PPP1R9B: variants seen among roughly 807,000 people sequenced by gnomAD.
The protein encoded by PPP1R9B is neurabin-2.
PPP1R9B carries 17 observed loss-of-function variants against 75.8 expected under a neutral mutation model. The ratio of observed to expected loss-of-function variants is 0.22; its 90% CI spans 0.15 to 0.34. PPP1R9B has a LOEUF of 0.34. PPP1R9B is among the 10% of genes least tolerant of loss of function. The pLI is 1.00. For synonymous variants in PPP1R9B, 509 were observed against 535.4 expected (o/e 0.95, Z 0.68); for missense variants, 875 against 1,196.0 (o/e 0.73, Z 3.96).
chr17:50,150,406 G>A lies in PPP1R9B; in HGVS notation c.108C>T (p.Pro36=), dbSNP rs1912665274. ...CCCCCTTGGGTGCCTCGTCGGGCCC[G>A]GGCGCGTCGGGCGGCTTCAGCGCCT... ...GIQALKPPDA[P]GPDEAPKGAH... is the part of the protein sequence containing the mutation. The change falls in exon 1 of 10, where the codon CCC becomes CCT. Residue 36 remains proline, a synonymous_variant. Transcript: ENST00000612501. This position sits in a 1 kb window ranked among gnomAD's most constrained non-coding sequence, Gnocchi z 8.7. The A allele has an allele frequency of 2.1e-6, 3 of 1,396,122 alleles. No homozygotes were observed. Among genetic ancestry groups the A allele is most frequent in the Non-Finnish European group, 2.8e-6 (3 of 1,072,502 alleles). The allele number at this position is 1,396,122 out of a possible 1,614,324, so 86.5% of individuals were successfully genotyped here. A position where few individuals can be genotyped will look rare whatever the true frequency, so the allele number is the denominator to read the frequency against.
rs1056313328 is a variant in PPP1R9B at position 50,143,804 on chromosome 17, C to A, written c.1505-86G>T. Reference sequence around the variant, plus strand: ...CCCCGAATTCCAGGGCACAGCCCCCCCATCAGGAAGCAGTCCCCATTAGGG... The same window carrying A: ...CCCCGAATTCCAGGGCACAGCCCCCACATCAGGAAGCAGTCCCCATTAGGG... On this transcript the variant is annotated intron_variant, in intron 2 of 9. Transcript: ENST00000612501. 20 of 1,571,280 alleles carry A rather than the reference C, an allele frequency of 1.3e-5. No homozygotes were observed. The African/African-American group carries it at 1.8e-4, about 14-fold the overall frequency.
At position 50,150,627 on chromosome 17, in the gene PPP1R9B, T is replaced by G; in HGVS notation, c.-114A>C. ...CCCGATAAAAGAAACCCCGAAGGCC[T>G]TTTTTAGGGTCCCCCCAAAACCAAG... is the stretch of plus-strand genomic sequence containing the variant. On this transcript the variant is annotated 5_prime_UTR_variant, in exon 1 of 10. Transcript: ENST00000612501. The surrounding 1 kb of genome is among the most constrained non-coding windows in gnomAD (Gnocchi z 8.7). The G allele has an allele frequency of 9.9e-7, 1 of 1,015,090 alleles. No homozygotes were observed. Among genetic ancestry groups the G allele is most frequent in the Admixed American group, 5.7e-5 (1 of 17,408 alleles). 62.9% of individuals were successfully genotyped at this position (1,015,090 alleles called of 1,614,324 possible).
Position 50,135,602 on chromosome 17 carries a change from T to G in PPP1R9B, c.2351A>C (p.Glu784Ala), listed in dbSNP as rs1912206628. ...KKETAQRRVL[E>A]ESELARKEEM... ...CTCCTTTCTGGCCAGCTCCGACTCC[T>G]CCAGAACCCGACGCTGTGCAGTCTC... The change falls in exon 9 of 10, where the codon GAG (glutamate) becomes GCG (alanine). Residue 784 changes from glutamate (E) to alanine (A), a missense_variant. Glu to Ala is a moderately radical substitution (Grantham distance 107, BLOSUM62 -1). Around this residue, in one of 4 missense-constraint regions of PPP1R9B, gnomAD observed 218 missense variants for 334.6 expected, o/e 0.65. Coordinates refer to ENST00000612501, the MANE Select transcript of PPP1R9B (RefSeq NM_032595.5). 6.2e-7 allele frequency: 1 copy of G among 1,611,482 alleles called. No homozygotes were observed. The highest frequency in any genetic ancestry group is 1.3e-5 in the African/African-American group (1 of 74,862).
chr17:50,150,092 G>T lies in PPP1R9B; in HGVS notation c.422C>A (p.Pro141Gln), dbSNP rs1423988051. The change falls in exon 1 of 10, where the codon CCG (proline) becomes CAG (glutamine). Residue 141 changes from proline (P) to glutamine (Q), a missense_variant. This residue lies in a region of PPP1R9B where 449 missense variants were observed against 475.0 expected (regional missense o/e 0.95). Coordinates refer to ENST00000612501, the MANE Select transcript of PPP1R9B (RefSeq NM_032595.5). The surrounding 1 kb of genome is among the most constrained non-coding windows in gnomAD (Gnocchi z 8.7). ...CTTCCGCGTCTCCTGCAGCCGGGAC[G>T]GCGGGTGCGGCGGCGGCGCAGGCTG... is the stretch of plus-strand genomic sequence containing the variant. The part of the protein sequence containing the change: ...SAQPAPPPHP[P>Q]SRLQETRKLF... 7.1e-7 allele frequency: 1 copy of T among 1,399,582 alleles called. No individual in the cohort carries two copies. The highest frequency in any genetic ancestry group is 9.2e-7 in the Non-Finnish European group (1 of 1,082,402). 86.7% of individuals were successfully genotyped at this position (1,399,582 alleles called of 1,614,324 possible).
chr17:50,143,511 C>T (rs1385359958), intron 3 of PPP1R9B, 87 bp downstream of exon 3: 11 of 1,525,680 alleles, frequency 7.2e-6, no homozygotes, highest in Non-Finnish European at 9.8e-6. Context: ...GAAGGCCCGC[C>T]CCACCCCCTG....
At chr17:50,143,820 C>A in intron 2 of PPP1R9B, 102 bp from the exon 3 acceptor site, 1 of 1,496,608 alleles carries the variant, frequency 6.7e-7, no homozygotes, top group Non-Finnish European at 9.2e-7. Context: ...GGAAGCAGTC[C>A]CCATTAGGGG....
At chr17:50,147,913 G>T (rs1474169829) in intron 1 of PPP1R9B, among the ~76,000 whole-genome samples, 1 of 152,180 alleles carries the variant, frequency 6.6e-6, no homozygotes, top group Non-Finnish European at 1.5e-5. Flanking sequence ...TCAGAGTCCA[G>T]GAGTAGTTAT....
chr17:50,143,804 C>G, intron 2 of PPP1R9B, 86 bp from the exon 3 acceptor site: 4 of 1,571,398 alleles, frequency 2.5e-6, no homozygotes, highest in Admixed American at 3.4e-5. Context: ...CACAGCCCCC[C>G]CATCAGGAAG....
rs1022662869 is a variant in PPP1R9B at position 50,134,243 on chromosome 17, C to G, written c.*1088G>C. The G allele has an allele frequency of 1.3e-5, 2 of 152,746 alleles. No homozygotes were observed. Among genetic ancestry groups the G allele is most frequent in the Admixed American group, 1.3e-4 (2 of 15,304 alleles). 9.5% of individuals were successfully genotyped at this position (152,746 alleles called of 1,614,324 possible). ...AACAGAGTCGATTTCACTTAGAAGG[C>G]AGGCTGCCAGCAGGGCAGCCCTGGT... On this transcript the variant is annotated 3_prime_UTR_variant, in exon 10 of 10. Transcript: ENST00000612501.
At chr17:50,145,450 A>G (rs893629419) in intron 1 of PPP1R9B, among the ~76,000 whole-genome samples, 6 of 152,204 alleles carry the variant, frequency 3.9e-5, no homozygotes, top group Non-Finnish European at 7.3e-5. Context: ...CAAGACAGAA[A>G]GGGACCCAGC....
chr17:50,139,656 A>G lies in PPP1R9B; in HGVS notation c.1867-75T>C. The G allele has an allele frequency of 1.4e-6, 2 of 1,478,750 alleles. No homozygotes were observed. Among genetic ancestry groups the G allele is most frequent in the Non-Finnish European group, 1.8e-6 (2 of 1,106,844 alleles). The allele number at this position is 1,478,750 out of a possible 1,614,324, so 91.6% of individuals were successfully genotyped here. On this transcript the variant is annotated intron_variant, in intron 5 of 9. Transcript: ENST00000612501. This position sits in a 1 kb window ranked among gnomAD's most constrained non-coding sequence, Gnocchi z 5.0. ...AGCCCTGATGACCAGGGCTGGGACC[A>G]GTTGCCCATGCCAGACAGAGAGCTA...
chr17:50,147,769 G>A (rs1001966458), intron 1 of PPP1R9B, among the ~76,000 whole-genome samples: 67 of 152,194 alleles, frequency 4.4e-4, no homozygotes, highest in African/African-American at 1.4e-3. Context: ...AGAGGACCCC[G>A]CAGGTCCCAG....
intron 7 of PPP1R9B, 116 bp from the exon 8 acceptor site, chr17:50,136,313 T>G: frequency 1.3e-6 from 1 of 795,104 alleles, no homozygotes; most frequent in Non-Finnish European, 2.0e-6. Context: ...TGGAGTCCAT[T>G]GCACCCCAAC....
intron 4 of PPP1R9B, 70 bp downstream of exon 4, chr17:50,141,199 G>C (rs1912365982): frequency 9.9e-7 from 1 of 1,013,286 alleles, no homozygotes; most frequent in Non-Finnish European, 1.5e-6. Context: ...TGGCTGTTAA[G>C]GCAGGTGAAC....
At chr17:50,136,654 C>T (rs1460105248) in intron 7 of PPP1R9B, among the ~76,000 whole-genome samples, 1 of 152,216 alleles carries the variant, frequency 6.6e-6, no homozygotes, top group Non-Finnish European at 1.5e-5. Context: ...AGTCTCTGCA[C>T]TTGTGGCTTC....
At chr17:50,147,941 A>G (rs1912557740) in intron 1 of PPP1R9B, among the ~76,000 whole-genome samples, 1 of 152,206 alleles carries the variant, frequency 6.6e-6, no homozygotes, top group South Asian at 2.1e-4. Flanking sequence ...ACAAGCAAAC[A>G]GATGGTGCTT....
In PPP1R9B at chr17:50,141,289, C is replaced by T; in HGVS notation, c.1710G>A (p.Arg570=). The change falls in exon 4 of 10, where the codon CGG becomes CGA. Residue 570 remains arginine (R), a synonymous_variant. Transcript: ENST00000612501. The part of the protein sequence containing the change: ...VTQSFAASVL[R]NTKGRVRFMI... The stretch of plus-strand genomic sequence containing the variant: ...CTCACCGCACTCGGCCCTTGGTGTT[C>T]CGGAGCACAGACGCCGCGAAGCTCT... 1 of 1,586,262 alleles carries T rather than the reference C, an allele frequency of 6.3e-7. No individual in the cohort carries two copies. The highest frequency in any genetic ancestry group is 8.6e-7 in the Non-Finnish European group (1 of 1,167,280).
intron 1 of PPP1R9B, among the ~76,000 whole-genome samples, chr17:50,148,065 G>A (rs903785858): frequency 2.0e-5 from 3 of 151,988 alleles, no homozygotes; most frequent in African/African-American, 7.2e-5. Context: ...GGGCGGTGAG[G>A]AAGAACCCTG....
At position 50,149,116 on chromosome 17, in the gene PPP1R9B, G is replaced by C; in HGVS notation, c.1371+27C>G. The stretch of plus-strand genomic sequence containing the variant: ...CGCGTGCACGTGGCAGGGGCGGCGC[G>C]GGGGCAGGGCGGGGGGGCTCACTTA... On this transcript the variant is annotated intron_variant, in intron 1 of 9. Coordinates refer to ENST00000612501, the MANE Select transcript of PPP1R9B (RefSeq NM_032595.5). The surrounding 1 kb of genome is among the most constrained non-coding windows in gnomAD (Gnocchi z 7.2). The C allele has an allele frequency of 7.2e-7, 1 of 1,383,036 alleles. No individual in the cohort carries two copies. The allele number at this position is 1,383,036 out of a possible 1,614,324, so 85.7% of individuals were successfully genotyped here.
Sources: allele counts gnomAD v4.1 joint callset (sites outside exome capture counted in the v4.1 genomes callset), GRCh38; gene constraint gnomAD v4.1.1; regional missense constraint gnomAD v4.1.1; non-coding constraint Gnocchi (gnomAD v3.1); transcripts MANE v1.5; gene names NCBI Gene and HGNC (gene_info 2026-07-23, HGNC 2026-07-21).